NPAS3: variants seen among roughly 807,000 people sequenced by gnomAD.
NPAS3 encodes the protein neuronal PAS domain protein 3.
A neutral mutation model predicts 73.1 loss-of-function variants in NPAS3; 14 were observed. The ratio of observed to expected loss-of-function variants is 0.19; its 90% confidence interval spans 0.13 to 0.30. NPAS3 has a LOEUF of 0.30. NPAS3 is among the 10% of genes least tolerant of loss of function. The pLI, the probability that NPAS3 is intolerant of heterozygous loss-of-function variation, is 1.00. For missense variants in NPAS3, 1,096 were observed against 1,250.0 expected (o/e 0.88, Z 1.86); for synonymous variants, 620 against 541.5 (o/e 1.14, Z -2.01).
chr14:33,675,734 T>G (rs1343515900), intron 5 of NPAS3, among the ~76,000 whole-genome samples: 1 of 152,196 alleles, frequency 6.6e-6, no homozygotes, highest in East Asian at 1.9e-4. Context: ...ATGATATGTA[T>G]AAAAACACAT....
intron 3 of NPAS3, among the ~76,000 whole-genome samples, chr14:33,255,762 T>A (rs1181476753): frequency 6.6e-6 from 1 of 152,150 alleles, no homozygotes; most frequent in African/African-American, 2.4e-5. Flanking sequence ...TTCCCCAGTG[T>A]CCTGTGTGAT....
In NPAS3 at chr14:33,071,946, A is replaced by G. The variant is rs115979520; in HGVS notation, c.140+15952A>G. ...TGCTCCGTCACCCAGGCTAGAGGGC[A>G]TTGGTGCAACCTCAGCTCACTGCAA... On this transcript the variant is annotated intron_variant, in intron 2 of 11. Transcript: ENST00000356141. 5.5e-3 allele frequency among the ~76,000 whole-genome samples: 831 copies of G among 152,192 alleles called. 7 individuals carry two copies. The highest frequency in any genetic ancestry group is 0.018 in the African/African-American group (762 of 41,516).
intron 8 of NPAS3, among the ~76,000 whole-genome samples, chr14:33,777,932 A>T (rs2062872047): frequency 1.3e-5 from 2 of 152,204 alleles, no homozygotes; most frequent in African/African-American, 4.8e-5. Flanking sequence ...AAAAAAGATA[A>T]TACCCCCAGG....
chr14:33,695,168 C>T (rs147125180), intron 6 of NPAS3, among the ~76,000 whole-genome samples: 22 of 152,314 alleles, frequency 1.4e-4, no homozygotes, highest in African/African-American at 5.1e-4. Flanking sequence ...TTCAGATGGT[C>T]ACCCTTGAGG....
chr14:33,761,117 G>A (rs1002020614), intron 7 of NPAS3, among the ~76,000 whole-genome samples: 2 of 152,192 alleles, frequency 1.3e-5, no homozygotes, highest in Non-Finnish European at 2.9e-5. Context: ...GACAGAACGT[G>A]TACTACAGGG....
chr14:33,460,530 A>G (rs949861824), intron 4 of NPAS3, among the ~76,000 whole-genome samples: 2 of 152,206 alleles, frequency 1.3e-5, no homozygotes, highest in African/African-American at 4.8e-5. Flanking sequence ...CCAAAAATAT[A>G]TGTATCAACC....
chr14:33,654,174 T>G (rs2059078512), intron 5 of NPAS3, among the ~76,000 whole-genome samples: 1 of 106,776 alleles, frequency 9.4e-6, no homozygotes, highest in Non-Finnish European at 2.0e-5. Flanking sequence ...CACAATCCTG[T>G]GCCATTTTTT....
In NPAS3 at chr14:33,710,650, C is replaced by G. The variant is rs535357306; in HGVS notation, c.734-24564C>G. ...GGAGACACATCCAGACAGTGGGTCC[C>G]CGGAGAAAGGAAAAAGGAGTGCCCC... is the stretch of plus-strand genomic sequence containing the variant. On this transcript the variant is annotated intron_variant, in intron 6 of 11. Transcript: ENST00000356141. Among the ~76,000 whole-genome samples the G allele has an allele frequency of 4.6e-5, 7 of 152,212 alleles. No individual in the cohort carries two copies. In the East Asian group the frequency reaches 1.4e-3, roughly 29 times the overall value.
intron 4 of NPAS3, among the ~76,000 whole-genome samples, chr14:33,457,968 C>A (rs955588259): frequency 1.3e-5 from 2 of 152,080 alleles, no homozygotes; most frequent in Non-Finnish European, 2.9e-5. Flanking sequence ...CAGTGGAAAC[C>A]GCGACAGGTT....
rs545289996 is a variant in NPAS3 at position 33,411,118 on chromosome 14, T to G, written c.468+43850T>G. ...ATCAAGTTTCCATCTAGATTCTGGC[T>G]CATTGTTTCTCAAACAGGGACTGTG... On this transcript the variant is annotated intron_variant, in intron 4 of 11. Transcript: ENST00000356141. Among the ~76,000 whole-genome samples, 8 of 152,330 alleles carry G rather than the reference T, an allele frequency of 5.3e-5. No homozygotes were observed. The South Asian group carries it at 1.5e-3, about 28-fold the overall frequency.
chr14:33,118,498 C>A (rs1163265998), intron 2 of NPAS3, among the ~76,000 whole-genome samples: 1 of 152,102 alleles, frequency 6.6e-6, no homozygotes, highest in South Asian at 2.1e-4. Flanking sequence ...TCCTCATCAA[C>A]CACTGTGCTT....
At chr14:33,139,617 A>G (rs1208676691) in intron 2 of NPAS3, among the ~76,000 whole-genome samples, 1 of 152,294 alleles carries the variant, frequency 6.6e-6, no homozygotes, top group East Asian at 1.9e-4. Flanking sequence ...TTTGTTTCAT[A>G]TTGTGCTTCT....
intron 4 of NPAS3, among the ~76,000 whole-genome samples, chr14:33,557,833 G>A (rs572620366): frequency 2.6e-5 from 4 of 152,218 alleles, no homozygotes; most frequent in Non-Finnish European, 4.4e-5. Context: ...GCCAGGCGTG[G>A]TGGCGGGTGC....
chr14:33,507,709 T>G (rs551635385), intron 4 of NPAS3, among the ~76,000 whole-genome samples: 1 of 152,178 alleles, frequency 6.6e-6, no homozygotes, highest in Admixed American at 6.5e-5. Flanking sequence ...AATTATCGAG[T>G]TCTGTTTGCA....
chr14:33,138,051 CT>C (rs779900834), intron 2 of NPAS3, among the ~76,000 whole-genome samples: 1,233 of 110,666 alleles, frequency 0.011, 2 homozygotes, highest in African/African-American at 0.019. Flanking sequence ...TAATCTATCA[CT>C]TTTTTTTTTT....
chr14:33,248,074 GA>G (rs2048453602), intron 3 of NPAS3, among the ~76,000 whole-genome samples: 1 of 152,208 alleles, frequency 6.6e-6, no homozygotes, highest in Non-Finnish European at 1.5e-5. Flanking sequence ...TACAATGTGT[GA>G]AAAATGACTG....
At chr14:33,542,220 G>A (rs370096658) in intron 4 of NPAS3, among the ~76,000 whole-genome samples, 57 of 152,218 alleles carry the variant, frequency 3.7e-4, no homozygotes, top group African/African-American at 1.3e-3. Flanking sequence ...ACACCTCAAC[G>A]TTTAGGCAGG....
chr14:33,603,414 A>G (rs2057460504), intron 5 of NPAS3, among the ~76,000 whole-genome samples: 2 of 152,220 alleles, frequency 1.3e-5, no homozygotes, highest in African/African-American at 4.8e-5. Context: ...TGCAAAAAAT[A>G]TTTGAGGAAA....
intron 3 of NPAS3, among the ~76,000 whole-genome samples, chr14:33,355,154 A>G (rs1178502071): frequency 2.0e-5 from 3 of 152,060 alleles, no homozygotes; most frequent in Admixed American, 2.0e-4. Flanking sequence ...TCTTCTCTCT[A>G]CCCAAATGCT....
Sources: allele counts gnomAD v4.1 joint callset (sites outside exome capture counted in the v4.1 genomes callset), GRCh38; gene constraint gnomAD v4.1.1; transcripts MANE v1.5; gene names NCBI Gene and HGNC (gene_info 2026-07-23, HGNC 2026-07-21).